CLASP1: variants seen among roughly 807,000 people sequenced by gnomAD.
The protein encoded by CLASP1 is CLIP-associating protein 1.
In CLASP1, 38 loss-of-function variants were observed where a neutral mutation model predicts 192.3. The ratio of observed to expected loss-of-function variants is 0.20; its 90% CI spans 0.15 to 0.26. CLASP1 has a LOEUF of 0.26. Ranked by LOEUF, CLASP1 falls within the 10% of genes least tolerant of loss-of-function variation. The pLI is 1.00. For missense variants in CLASP1, 1,433 were observed against 1,932.5 expected, an observed-to-expected ratio of 0.74 and a Z score of 4.85; for synonymous variants, 691 against 712.8, an observed-to-expected ratio of 0.97 and a Z score of 0.49.
intron 2 of CLASP1, among the ~76,000 whole-genome samples, chr2:121,577,317 C>T (rs6727046): frequency 0.25 from 37,559 of 151,776 alleles, 7,320 homozygotes; most frequent in African/African-American, 0.54. Flanking sequence ...ATGGCAAAAA[C>T]GTGCAAATGA....
chr2:121,499,444 T>C (rs12611456), intron 8 of CLASP1, among the ~76,000 whole-genome samples: 18,178 of 151,332 alleles, frequency 0.12, 1,436 homozygotes, highest in African/African-American at 0.21. Flanking sequence ...CTAATGGGAA[T>C]GGGACGTGAG....
At chr2:121,352,265 C>T (rs982445213) in intron 37 of CLASP1, among the ~76,000 whole-genome samples, 3 of 152,246 alleles carry the variant, frequency 2.0e-5, no homozygotes, top group South Asian at 4.1e-4. Flanking sequence ...GCCTCTGCCT[C>T]GTCCGGGCAC....
chr2:121,616,001 C>T (rs2066392289), intron 1 of CLASP1, among the ~76,000 whole-genome samples: 1 of 152,110 alleles, frequency 6.6e-6, no homozygotes, highest in Non-Finnish European at 1.5e-5. Context: ...GTTTCAGCTA[C>T]AGCATGTGGG....
intron 37 of CLASP1, among the ~76,000 whole-genome samples, chr2:121,355,539 G>T (rs1210077463): frequency 6.6e-6 from 1 of 152,206 alleles, no homozygotes; most frequent in Non-Finnish European, 1.5e-5. Flanking sequence ...TTTCACTGGG[G>T]TTAGAGAAAG....
intron 32 of CLASP1, among the ~76,000 whole-genome samples, chr2:121,383,986 G>T: frequency 1.4e-5 from 2 of 138,618 alleles, no homozygotes; most frequent in African/African-American, 5.6e-5. Context: ...CTTCCTCACT[G>T]GTGAGATATA....
chr2:121,514,169 G>T (rs2094220832), intron 7 of CLASP1, among the ~76,000 whole-genome samples: 1 of 152,188 alleles, frequency 6.6e-6, no homozygotes, highest in African/African-American at 2.4e-5. Context: ...GTTTGCTGTG[G>T]TTACCCTCCA....
intron 19 of CLASP1, among the ~76,000 whole-genome samples, chr2:121,443,592 T>G (rs554847336): frequency 1.3e-5 from 2 of 152,214 alleles, no homozygotes; most frequent in African/African-American, 4.8e-5. Context: ...CTGTCAGACA[T>G]GACGTCCTCA....
chr2:121,503,197 T>C, exon 8 of CLASP1: 1 of 1,550,520 alleles, frequency 6.4e-7, no homozygotes, highest in Non-Finnish European at 8.7e-7. Flanking sequence ...TTTCCAGATT[T>C]CTGGACTTCA....
At chr2:121,367,738 A>C in exon 35 of CLASP1, 2 of 1,613,914 alleles carry the variant, frequency 1.2e-6, no homozygotes, top group Admixed American at 3.3e-5. Flanking sequence ...TTGAGTAGTG[A>C]GGTCTTGTTA....
At chr2:121,386,976 T>C (rs2073347539) in intron 32 of CLASP1, 146 bp downstream of exon 33, 1 of 677,518 alleles carries the variant, frequency 1.5e-6, no homozygotes, top group East Asian at 2.7e-5. Flanking sequence ...ACAGTTACAA[T>C]TTGAGTGAGG....
At chr2:121,539,150 T>A (rs2095170440) in intron 2 of CLASP1, among the ~76,000 whole-genome samples, 1 of 152,194 alleles carries the variant, frequency 6.6e-6, no homozygotes, top group Non-Finnish European at 1.5e-5. Flanking sequence ...AAACATATAT[T>A]TTTTTAAGAA....
intron 2 of CLASP1, among the ~76,000 whole-genome samples, chr2:121,554,175 A>C (rs2058308421): frequency 6.6e-6 from 1 of 152,080 alleles, no homozygotes; most frequent in Non-Finnish European, 1.5e-5. Context: ...ATGATCACCC[A>C]CTGCACTCTG....
chr2:121,527,358 G>A (rs2094598670), intron 5 of CLASP1, among the ~76,000 whole-genome samples: 1 of 152,006 alleles, frequency 6.6e-6, no homozygotes, highest in Non-Finnish European at 1.5e-5. Flanking sequence ...TATGCTGAGT[G>A]AAAAAAAGAT....
At chr2:121,517,071 T>C (rs574115578) in intron 6 of CLASP1, among the ~76,000 whole-genome samples, 1 of 152,260 alleles carries the variant, frequency 6.6e-6, no homozygotes, top group East Asian at 1.9e-4. Context: ...TTCAAATGGC[T>C]CAAGAAAAAA....
exon 9 of CLASP1, chr2:121,469,894 G>A: frequency 1.2e-6 from 2 of 1,613,796 alleles, no homozygotes; most frequent in Non-Finnish European, 1.7e-6. Flanking sequence ...TGGAGCCTTG[G>A]ATGATGTAGA....
chr2:121,384,287 C>G (rs2072678147), intron 32 of CLASP1, among the ~76,000 whole-genome samples: 1 of 151,960 alleles, frequency 6.6e-6, no homozygotes, highest in South Asian at 2.1e-4. Context: ...GTCCTGCGCT[C>G]AAGCAATCTC....
rs1201255856 is a variant in CLASP1, at chr2:121,525,604, C to A, written c.546+241G>T. 1.3e-5 allele frequency among the ~76,000 whole-genome samples: 2 copies of A among 152,114 alleles called. 1 individual carries two copies. The highest frequency in any genetic ancestry group is 6.3e-3 in the Middle Eastern group (2 of 316). The stretch of plus-strand genomic sequence containing the variant: ...TTTCTAGGCTAGTGATTTCTCAGCC[C>A]TGTGTATAGAAGAGGACAGACTGGC... On this transcript the variant is annotated intron_variant, in intron 6 of 39. Transcript: ENST00000263710.
intron 32 of CLASP1, among the ~76,000 whole-genome samples, chr2:121,385,065 ATCTGTCTG>A (rs1018527475): frequency 7.0e-4 from 107 of 152,108 alleles, no homozygotes; most frequent in African/African-American, 2.4e-3. Context: ...AGATCTGTCT[ATCTGTCTG>A]TAGTCTCCTT....
rs58688393 is a variant in CLASP1, at chr2:121,636,338, AAATAATAATAATAAT to A, written c.-286+13019_-286+13033del. Among the ~76,000 whole-genome samples the A allele has an allele frequency of 5.1e-5, 7 of 138,164 alleles. No homozygotes were observed. The South Asian group carries it at 1.4e-3, about 28-fold the overall frequency. The allele number at this position is 138,164 out of a possible 152,430, so 90.6% of individuals were successfully genotyped here. ...GTGACAGAGTGAGACTCCATTTCAA[AAATAATAATAATAAT>A]AATAATAATAATAATAATAATAAAT... is the stretch of plus-strand genomic sequence containing the variant. On this transcript the variant is annotated intron_variant, in intron 1 of 39. Transcript: ENST00000263710.
Sources: allele counts gnomAD v4.1 joint callset (sites outside exome capture counted in the v4.1 genomes callset), GRCh38; gene constraint gnomAD v4.1.1; transcripts MANE v1.5; gene names NCBI Gene and HGNC (gene_info 2026-07-23, HGNC 2026-07-21).